The following ASAP1 variants were observed in gnomAD, a reference collection of about 807,000 sequenced individuals.
The protein encoded by ASAP1 is arf-GAP with SH3 domain, ANK repeat and PH domain-containing protein 1.
A neutral mutation model predicts 145.2 loss-of-function variants in ASAP1; 43 were observed. The ratio of observed to expected loss-of-function variants is 0.30; its 90% CI spans 0.23 to 0.38. The LOEUF (loss-of-function observed/expected upper bound fraction) is 0.38, where lower values mean the gene tolerates loss of function less well. Among genes scored for constraint, ASAP1 ranks in the 10% least tolerant of loss-of-function variants. ASAP1 has a pLI of 1.00. For synonymous variants in ASAP1, 546 were observed against 515.5 expected, an observed-to-expected ratio of 1.06 and a Z score of -0.80; for missense variants, 1,018 against 1,355.3, an observed-to-expected ratio of 0.75 and a Z score of 3.91.
intron 24 of ASAP1, among the ~76,000 whole-genome samples, chr8:130,111,873 A>G (rs899286082): frequency 6.6e-6 from 1 of 152,202 alleles, no homozygotes; most frequent in Non-Finnish European, 1.5e-5. Context: ...TGTAAGGTTA[A>G]CACAAATAAT....
chr8:130,058,158 C>T (rs2097408480), intron 28 of ASAP1, 82 bp from the exon 29 acceptor site: 1 of 1,512,976 alleles, frequency 6.6e-7, no homozygotes. Context: ...AAATGGTTGA[C>T]CTTGGCCAGT....
chr8:130,106,292 T>TA (rs1438093284), intron 24 of ASAP1, among the ~76,000 whole-genome samples: 5 of 152,070 alleles, frequency 3.3e-5, no homozygotes, highest in African/African-American at 9.7e-5. Flanking sequence ...TCCCATGAGA[T>TA]AAAAAACCGC....
intron 3 of ASAP1, among the ~76,000 whole-genome samples, chr8:130,302,438 G>A (rs1037671865): frequency 2.0e-5 from 3 of 152,176 alleles, no homozygotes; most frequent in African/African-American, 7.2e-5. Flanking sequence ...AAAATGAAGA[G>A]GCAAAACTCC....
chr8:130,117,087 C>G (rs1033914209), intron 20 of ASAP1, 92 bp from the exon 21 acceptor site: 1 of 745,058 alleles, frequency 1.3e-6, no homozygotes, highest in Admixed American at 2.9e-5. Context: ...ACAACTGAGT[C>G]AAATTTGAGA....
intron 5 of ASAP1, among the ~76,000 whole-genome samples, chr8:130,212,943 A>C (rs1364754177): frequency 1.3e-5 from 2 of 152,218 alleles, no homozygotes; most frequent in Admixed American, 6.5e-5. Flanking sequence ...CACCCATCTC[A>C]GAGAAAACAG....
chr8:130,054,691 T>C lies in ASAP1; in HGVS notation c.*40A>G. 6.4e-7 allele frequency: 1 copy of C among 1,566,990 alleles called. No homozygotes were observed. The highest frequency in any genetic ancestry group is 8.8e-7 in the Non-Finnish European group (1 of 1,137,786). On this transcript the variant is annotated 3_prime_UTR_variant, in exon 30 of 30. Coordinates refer to ENST00000518721, the MANE Select transcript of ASAP1 (RefSeq NM_018482.4). The stretch of plus-strand genomic sequence containing the variant: ...CAGGGTTACATGAAGGCAGCAGTCT[T>C]GCATGAAGGATGTGGACAATCTTAA...
At chr8:130,268,491 AC>A (rs1820395241) in intron 3 of ASAP1, among the ~76,000 whole-genome samples, 5 of 8,236 alleles carry the variant, frequency 6.1e-4, no homozygotes, top group African/African-American at 1.5e-3. Context: ...CCGTCTTAAA[AC>A]ACACACACAC....
chr8:130,112,020 T>A (rs2097547714), intron 24 of ASAP1, 74 bp downstream of exon 24: 1 of 1,397,532 alleles, frequency 7.2e-7, no homozygotes, highest in South Asian at 1.2e-5. Context: ...CAAAGCTGGC[T>A]AGACTATCAG....
intron 24 of ASAP1, among the ~76,000 whole-genome samples, chr8:130,103,675 G>A (rs2097532509): frequency 6.6e-6 from 1 of 151,866 alleles, no homozygotes; most frequent in Admixed American, 6.6e-5. Flanking sequence ...GCTAATTTTT[G>A]TATTTTTAGT....
chr8:130,081,549 G>A (rs1252888415), intron 25 of ASAP1, among the ~76,000 whole-genome samples: 1 of 151,162 alleles, frequency 6.6e-6, no homozygotes, highest in Non-Finnish European at 1.5e-5. Context: ...GCTGGCTGAG[G>A]AGGCTGAGCA....
chr8:130,190,789 T>A (rs1368137735), intron 5 of ASAP1, among the ~76,000 whole-genome samples: 1 of 152,184 alleles, frequency 6.6e-6, no homozygotes, highest in East Asian at 1.9e-4. Flanking sequence ...GTGCTGGGAT[T>A]ACAGACGTGA....
chr8:130,188,740 A>AAAAAAAG (rs1814926691), intron 5 of ASAP1, among the ~76,000 whole-genome samples: 2 of 146,468 alleles, frequency 1.4e-5, no homozygotes, highest in Admixed American at 1.4e-4. Context: ...AAAAAAAAAA[A>AAAAAAAG]AAAAAGAAAA....
intron 3 of ASAP1, among the ~76,000 whole-genome samples, chr8:130,268,886 G>A (rs956621038): frequency 6.6e-6 from 1 of 152,108 alleles, no homozygotes; most frequent in Non-Finnish European, 1.5e-5. Context: ...TTTTGCCAAT[G>A]TTAGCTTACA....
In ASAP1 at chr8:130,407,960, T is replaced by C. The variant is rs927022833; in HGVS notation, c.-27-5990A>G. Among the ~76,000 whole-genome samples the C allele has an allele frequency of 2.6e-5, 4 of 152,374 alleles. No individual in the cohort carries two copies. In the East Asian group the frequency reaches 7.7e-4, roughly 29 times the overall value. Reference sequence around the variant, plus strand: ...TTTCCTATTTACTGATGTAATTCTTTCCTGTTCTGTGGAAGCTGTACTTAG... The same window carrying C: ...TTTCCTATTTACTGATGTAATTCTTCCCTGTTCTGTGGAAGCTGTACTTAG... On this transcript the variant is annotated intron_variant, in intron 1 of 29. Coordinates refer to ENST00000518721, the MANE Select transcript of ASAP1 (RefSeq NM_018482.4).
intron 1 of ASAP1, among the ~76,000 whole-genome samples, chr8:130,431,885 G>C (rs1830146598): frequency 7.2e-6 from 1 of 139,256 alleles, no homozygotes; most frequent in South Asian, 2.6e-4. Context: ...AGGGGGAAAG[G>C]GGGAAGATAA....
At chr8:130,330,676 C>A (rs1277225947) in intron 3 of ASAP1, among the ~76,000 whole-genome samples, 1 of 152,184 alleles carries the variant, frequency 6.6e-6, no homozygotes, top group East Asian at 1.9e-4. Context: ...GTAAGCTTTA[C>A]GATGGATCAT....
chr8:130,266,228 T>G, intron 3 of ASAP1, among the ~76,000 whole-genome samples: 1 of 151,014 alleles, frequency 6.6e-6, no homozygotes. Flanking sequence ...GGGGTAGGAG[T>G]GAAGGTGCGG....
rs1421667996 is a variant in ASAP1 at position 130,153,353 on chromosome 8, ATATATG to A, written c.1011-554_1011-549del. ...TTTAAATATATATATATATATATAT[ATATATG>A]TATATATATATATATATATATATAT... On this transcript the variant is annotated intron_variant, in intron 12 of 29. Coordinates refer to ENST00000518721, the MANE Select transcript of ASAP1 (RefSeq NM_018482.4). Among the ~76,000 whole-genome samples the A allele has an allele frequency of 1.5e-3, 74 of 48,546 alleles. 3 individuals are homozygous for A. The highest frequency in any genetic ancestry group is 4.1e-3 in the African/African-American group (68 of 16,764). The allele number at this position is 48,546 out of a possible 152,430, so 31.8% of individuals were successfully genotyped here.
chr8:130,335,375 G>A (rs1824968443), intron 3 of ASAP1, among the ~76,000 whole-genome samples: 1 of 152,166 alleles, frequency 6.6e-6, no homozygotes, highest in African/African-American at 2.4e-5. Flanking sequence ...AAGGCTTGGA[G>A]AAACTGACCC....
Sources: allele counts gnomAD v4.1 joint callset (sites outside exome capture counted in the v4.1 genomes callset), GRCh38; gene constraint gnomAD v4.1.1; transcripts MANE v1.5; gene names NCBI Gene and HGNC (gene_info 2026-07-23, HGNC 2026-07-21).